Variants in ATP11A observed in about 807,000 individuals in gnomAD.
ATP11A encodes the protein phospholipid-transporting ATPase IH.
ATP11A carries 81 observed loss-of-function variants against 154.4 expected under a neutral mutation model. The ratio of observed to expected loss-of-function variants is 0.52; its 90% CI spans 0.44 to 0.63. The LOEUF is 0.63. Ranked by LOEUF, ATP11A falls within the 30% of genes least tolerant of loss-of-function variation. The pLI, the probability that ATP11A is intolerant of heterozygous loss-of-function variation, is 0.00. For synonymous variants in ATP11A, 623 were observed against 585.9 expected, an observed-to-expected ratio of 1.06 and a Z score of -0.91; for missense variants, 1,316 against 1,474.3, an observed-to-expected ratio of 0.89 and a Z score of 1.76.
At chr13:112,713,707 G>A (rs1688781160) in intron 1 of ATP11A, among the ~76,000 whole-genome samples, 1 of 152,144 alleles carries the variant, frequency 6.6e-6, no homozygotes, top group African/African-American at 2.4e-5. Context: ...ATCACATTCT[G>A]GCCGTTTAAT....
chr13:112,745,855 G>A (rs382758), intron 1 of ATP11A: 34,974 of 152,036 alleles, frequency 0.23, 5,225 homozygotes, highest in African/African-American at 0.42. Flanking sequence ...CCACATTGTC[G>A]TGCAGCGGAA....
chr13:112,819,446 A>T (rs762081323), intron 7 of ATP11A, 39 bp downstream of exon 7: 2 of 1,584,964 alleles, frequency 1.3e-6, no homozygotes, highest in East Asian at 4.5e-5. Flanking sequence ...ACGGTTTTTT[A>T]TGCCCTCAAC....
chr13:112,741,935 C>T (rs1891596138), intron 1 of ATP11A, among the ~76,000 whole-genome samples: 2 of 152,036 alleles, frequency 1.3e-5, no homozygotes, highest in South Asian at 4.2e-4. Flanking sequence ...TAGACTGCTC[C>T]CCTTCCCCAC....
chr13:112,790,016 G>A (rs1427116963), intron 2 of ATP11A, among the ~76,000 whole-genome samples: 2 of 142,080 alleles, frequency 1.4e-5, no homozygotes, highest in Admixed American at 6.9e-5. Flanking sequence ...TTCACACCCA[G>A]CATCCTGACC....
At chr13:112,761,183 A>G (rs1232826509) in intron 1 of ATP11A, among the ~76,000 whole-genome samples, 1 of 152,122 alleles carries the variant, frequency 6.6e-6, no homozygotes. Context: ...GTGTTCAAGG[A>G]ACCCTCATTT....
At chr13:112,881,462 C>T (rs1429753533) in intron 29 of ATP11A, 2 of 1,079,642 alleles carry the variant, frequency 1.9e-6, no homozygotes, top group Non-Finnish European at 2.3e-6. Context: ...CGTTCGAGCT[C>T]ACTGCACAGG....
At chr13:112,793,240 T>C (rs1389167356) in intron 2 of ATP11A, among the ~76,000 whole-genome samples, 1 of 152,132 alleles carries the variant, frequency 6.6e-6, no homozygotes, top group Non-Finnish European at 1.5e-5. Flanking sequence ...TCTCTCTCTG[T>C]GCCCAGGCTG....
chr13:112,785,088 G>A lies in ATP11A; in HGVS notation c.40-47G>A, dbSNP rs781465050. 3 of 1,408,450 alleles carry A rather than the reference G, an allele frequency of 2.1e-6. No homozygotes were observed. In the African/African-American group the frequency reaches 4.4e-5, roughly 21 times the overall value. 87.2% of individuals were successfully genotyped at this position (1,408,450 alleles called of 1,614,324 possible). A position where few individuals can be genotyped will look rare whatever the true frequency, so the allele number is the denominator to read the frequency against. ...GGCAACACTCTGGGCAAGAGCTTTT[G>A]ATGCAGGTTCTGAGGCAGCTGCCTA... On this transcript the variant is annotated intron_variant, in intron 1 of 29. Coordinates refer to ENST00000375645, the MANE Select transcript of ATP11A (RefSeq NM_015205.3). The surrounding 1 kb of genome is among the most constrained non-coding windows in gnomAD (Gnocchi z 4.8).
Position 112,856,255 on chromosome 13 carries a change from G to C in ATP11A, c.2418+170G>C, listed in dbSNP as rs867435936. 1.5e-5 allele frequency: 10 copies of C among 670,328 alleles called. No individual in the cohort carries two copies. The South Asian group carries it at 2.0e-4, about 13-fold the overall frequency. 41.5% of individuals were successfully genotyped at this position (670,328 alleles called of 1,614,324 possible). The stretch of plus-strand genomic sequence containing the variant: ...AAACGCAGATCTTGTTTTGCTTGTC[G>C]GGCCAGCTTCTGTGATTAGTGGGTG... On this transcript the variant is annotated intron_variant, in intron 20 of 29. Transcript: ENST00000375645.
intron 2 of ATP11A, among the ~76,000 whole-genome samples, chr13:112,793,264 C>T (rs949141637): frequency 1.3e-5 from 2 of 152,088 alleles, no homozygotes; most frequent in South Asian, 2.1e-4. Context: ...TGCAATGGTG[C>T]GATCCTGGCT....
chr13:112,828,410 G>C (rs1318002067), intron 12 of ATP11A, among the ~76,000 whole-genome samples: 1 of 137,456 alleles, frequency 7.3e-6, no homozygotes, highest in Non-Finnish European at 1.6e-5. Context: ...GGGGGAAAGC[G>C]CCCAGCGGTG....
chr13:112,731,273 A>G (rs755889092), intron 1 of ATP11A, among the ~76,000 whole-genome samples: 40 of 152,156 alleles, frequency 2.6e-4, no homozygotes, highest in Admixed American at 6.5e-4. Context: ...CCGGCCTCCT[A>G]TACAGTCTTT....
chr13:112,802,985 T>A (rs2078178978), intron 2 of ATP11A, among the ~76,000 whole-genome samples: 1 of 152,138 alleles, frequency 6.6e-6, no homozygotes, highest in Non-Finnish European at 1.5e-5. Context: ...CTCCAGAGAC[T>A]CTCTTCTGGA....
chr13:112,829,106 G>A (rs750331484), intron 12 of ATP11A, among the ~76,000 whole-genome samples: 19 of 152,322 alleles, frequency 1.2e-4, no homozygotes, highest in African/African-American at 1.7e-4. Flanking sequence ...GCAGTGCCCC[G>A]TTCTGCGATG....
intron 29 of ATP11A, chr13:112,880,654 C>T: frequency 1.6e-6 from 2 of 1,289,842 alleles, no homozygotes; most frequent in Non-Finnish European, 2.0e-6. Flanking sequence ...CGCTAGGTAA[C>T]TGTGCGGCTG....
rs1267974566 is a variant in ATP11A at position 112,697,726 on chromosome 13, AGTTTTTTTTTTTT to A, written c.39+7272_39+7284del. Among the ~76,000 whole-genome samples the A allele has an allele frequency of 5.0e-3, 285 of 56,876 alleles. No individual in the cohort carries two copies. The highest frequency in any genetic ancestry group is 0.014 in the African/African-American group (229 of 16,804). 37.3% of individuals were successfully genotyped at this position (56,876 alleles called of 152,430 possible). A position where few individuals can be genotyped will look rare whatever the true frequency, so the allele number is the denominator to read the frequency against. ...GGGATTTGTGCCACGACGCCCGGCC[AGTTTTTTTTTTTT>A]TTTTTTTTTTTTTTAGTAGAGATGG... On this transcript the variant is annotated intron_variant, in intron 1 of 29. Coordinates refer to ENST00000375645, the MANE Select transcript of ATP11A (RefSeq NM_015205.3). This position sits in a 1 kb window ranked among gnomAD's most constrained non-coding sequence, Gnocchi z 4.0.
chr13:112,881,601 C>T, intron 29 of ATP11A: 2 of 1,180,738 alleles, frequency 1.7e-6, no homozygotes, highest in Non-Finnish European at 2.1e-6. Flanking sequence ...AGGAGAGGCC[C>T]TCATTCCTAG....
In ATP11A at chr13:112,851,091, G is replaced by A. The variant is rs1322378934; in HGVS notation, c.1864G>A (p.Glu622Lys). 7 of 1,614,110 alleles carry A rather than the reference G, an allele frequency of 4.3e-6. No individual in the cohort carries two copies. The highest frequency in any genetic ancestry group is 1.7e-5 in the Admixed American group (1 of 60,006). ...TAAAAGGCTGATCCAAGAAGAATAT[G>A]AAGGCATTTGTAAGCTGCTGCAGGC... The part of the protein sequence containing the change: ...AYKRLIQEEY[E>K]GICKLLQAAK... The change falls in exon 18 of 30, where the codon GAA (glutamate) becomes AAA (lysine). Residue 622 changes from glutamate to lysine, a missense_variant. Glu to Lys is a moderately conservative substitution (Grantham distance 56). Transcript: ENST00000375645.
At chr13:112,836,578 C>A (rs112027665) in intron 16 of ATP11A, among the ~76,000 whole-genome samples, 1 of 152,168 alleles carries the variant, frequency 6.6e-6, no homozygotes, top group Non-Finnish European at 1.5e-5. Context: ...ATCCCCCACC[C>A]GCTTTTCTCC....
Sources: allele counts gnomAD v4.1 joint callset (sites outside exome capture counted in the v4.1 genomes callset), GRCh38; gene constraint gnomAD v4.1.1; non-coding constraint Gnocchi (gnomAD v3.1); transcripts MANE v1.5; gene names NCBI Gene and HGNC (gene_info 2026-07-23, HGNC 2026-07-21).